The following CDH18 variants were observed in gnomAD, a reference collection of about 807,000 sequenced individuals.
CDH18 encodes cadherin-18.
CDH18 carries 31 observed loss-of-function variants against 67.9 expected under a neutral mutation model. That is an observed-to-expected ratio of 0.46 (90% CI 0.34 to 0.62). The LOEUF (loss-of-function observed/expected upper bound fraction) is 0.62. Ranked by LOEUF, CDH18 falls within the 20% of genes least tolerant of loss-of-function variation. The pLI is 0.01. For synonymous variants in CDH18, 362 were observed against 347.2 expected, an observed-to-expected ratio of 1.04 and a Z score of -0.48; for missense variants, 890 against 975.5, an observed-to-expected ratio of 0.91 and a Z score of 1.17.
At position 19,569,123 on chromosome 5, in the gene CDH18, T is replaced by C. The variant is rs1580259556; in HGVS notation, c.1253+2456A>G. ...GTTATAATTATCAAAGTTCCTCTCA[T>C]TTCTCTCCCTATTGGCATTGCTGCC... On this transcript the variant is annotated intron_variant, in intron 8 of 12. Transcript: ENST00000382275. Among the ~76,000 whole-genome samples, 3 of 152,326 alleles carry C rather than the reference T, an allele frequency of 2.0e-5. No homozygotes were observed. In the South Asian group the frequency reaches 6.2e-4, roughly 32 times the overall value.
intron 2 of CDH18, among the ~76,000 whole-genome samples, chr5:20,111,794 C>T (rs1281675606): frequency 2.0e-5 from 3 of 152,016 alleles, no homozygotes; most frequent in East Asian, 1.9e-4. Context: ...CTGCCCTCCT[C>T]GGCCTCCCAA....
At chr5:20,313,477 T>C (rs1737178832) in intron 1 of CDH18, among the ~76,000 whole-genome samples, 1 of 152,136 alleles carries the variant, frequency 6.6e-6, no homozygotes, top group Non-Finnish European at 1.5e-5. Flanking sequence ...GATGTAAAAC[T>C]GTATTAAAAA....
intron 2 of CDH18, among the ~76,000 whole-genome samples, chr5:20,143,824 G>A (rs530844214): frequency 1.8e-4 from 28 of 152,206 alleles, no homozygotes; most frequent in African/African-American, 6.3e-4. Flanking sequence ...TATTCAGATC[G>A]CATACCGTGG....
intron 2 of CDH18, among the ~76,000 whole-genome samples, chr5:19,930,632 A>C (rs1793588671): frequency 6.6e-6 from 1 of 151,978 alleles, no homozygotes; most frequent in African/African-American, 2.4e-5. Flanking sequence ...AAGATAAATA[A>C]AAGGGTAAGG....
chr5:19,521,528 C>G (rs560979042), intron 9 of CDH18, among the ~76,000 whole-genome samples: 1 of 152,256 alleles, frequency 6.6e-6, no homozygotes, highest in East Asian at 1.9e-4. Flanking sequence ...GTCTGGCTTT[C>G]TCTTTGCTAA....
chr5:20,036,411 AAAG>A (rs1170858855), intron 2 of CDH18, among the ~76,000 whole-genome samples: 2 of 152,034 alleles, frequency 1.3e-5, no homozygotes, highest in Non-Finnish European at 2.9e-5. Flanking sequence ...AAAGAAGAAA[AAAG>A]AAGGAGAAGG....
chr5:20,107,916 T>A (rs1311959521), intron 2 of CDH18, among the ~76,000 whole-genome samples: 1 of 69,600 alleles, frequency 1.4e-5, no homozygotes, highest in South Asian at 6.0e-4. Flanking sequence ...CCCTCCCCCC[T>A]CCCCCTTTCT....
intron 2 of CDH18, among the ~76,000 whole-genome samples, chr5:20,174,574 G>C (rs1737085798): frequency 6.6e-6 from 1 of 152,072 alleles, no homozygotes; most frequent in South Asian, 2.1e-4. Context: ...TGTTAACCTA[G>C]TCAAACATGC....
rs377028825 is a variant in CDH18, at chr5:19,494,136, A to G, written c.1630+8856T>C. ...TGGAAATTTGTAACATTATTTCATCATCTGTCAAGTTAGAAGATTTCCACT... is the reference window on the plus strand; with the variant it reads ...TGGAAATTTGTAACATTATTTCATCGTCTGTCAAGTTAGAAGATTTCCACT... On this transcript the variant is annotated intron_variant, in intron 11 of 12. Coordinates refer to ENST00000382275, the MANE Select transcript of CDH18 (RefSeq NM_004934.5). Among the ~76,000 whole-genome samples, 14 of 152,164 alleles carry G rather than the reference A, an allele frequency of 9.2e-5. No homozygotes were observed. The East Asian group carries it at 2.7e-3, about 29-fold the overall frequency.
At chr5:20,197,034 C>T (rs564746843) in intron 2 of CDH18, among the ~76,000 whole-genome samples, 2 of 152,160 alleles carry the variant, frequency 1.3e-5, no homozygotes, top group South Asian at 4.2e-4. Context: ...TCTTTTGAGA[C>T]AGAGTCTCGC....
Position 19,994,855 on chromosome 5 carries a change from T to TAGAGAGAGAGAGAGAGAGAGAGAGAG in CDH18, c.-517-2842_-517-2841insCTCTCTCTCTCTCTCTCTCTCTCTCT, listed in dbSNP as rs1554078420. Among the ~76,000 whole-genome samples the TAGAGAGAGAGAGAGAGAGAGAGAGAG allele has an allele frequency of 1.0e-4, 7 of 67,584 alleles. 3 individuals are homozygous for TAGAGAGAGAGAGAGAGAGAGAGAGAG. Among genetic ancestry groups the TAGAGAGAGAGAGAGAGAGAGAGAGAG allele is most frequent in the African/African-American group, 5.1e-4 (7 of 13,598 alleles). 44.3% of individuals were successfully genotyped at this position (67,584 alleles called of 152,430 possible). A position where few individuals can be genotyped will look rare whatever the true frequency, so the allele number is the denominator to read the frequency against. On this transcript the variant is annotated intron_variant, in intron 2 of 14. Coordinates refer to the CDH18 transcript ENST00000507958. ...ATATATATATATATATATATATATA[T>TAGAGAGAGAGAGAGAGAGAGAGAGAG]AGAGAGAGAGAGAGAGAGAGAGATG... is the stretch of plus-strand genomic sequence containing the variant.
rs150390070 is a variant in CDH18, at chr5:19,513,714, T to C, written c.1512+6943A>G. Among the ~76,000 whole-genome samples the C allele has an allele frequency of 2.7e-4, 41 of 152,288 alleles. 1 individual carries two copies. Among genetic ancestry groups the C allele is most frequent in the African/African-American group, 9.4e-4 (39 of 41,590 alleles). On this transcript the variant is annotated intron_variant, in intron 10 of 12. Coordinates refer to ENST00000382275, the MANE Select transcript of CDH18 (RefSeq NM_004934.5). ...AAAATTATAAATTTCCTGTTAGTTATGGCTGAACTGTTTCCTAGAAATTTT... is the reference window on the plus strand; with the variant it reads ...AAAATTATAAATTTCCTGTTAGTTACGGCTGAACTGTTTCCTAGAAATTTT...
At chr5:19,533,572 A>G (rs1164324531) in intron 9 of CDH18, among the ~76,000 whole-genome samples, 1 of 152,198 alleles carries the variant, frequency 6.6e-6, no homozygotes, top group Non-Finnish European at 1.5e-5. Flanking sequence ...TAGAAAATAA[A>G]GCATGTTTTT....
At chr5:20,362,231 C>T (rs1742145869) in intron 1 of CDH18, among the ~76,000 whole-genome samples, 1 of 152,104 alleles carries the variant, frequency 6.6e-6, no homozygotes, top group Non-Finnish European at 1.5e-5. Context: ...ACTATACTTG[C>T]AGCAAAACAA....
intron 1 of CDH18, among the ~76,000 whole-genome samples, chr5:20,267,693 T>A (rs1745143001): frequency 6.6e-6 from 1 of 152,200 alleles, no homozygotes. Context: ...TTGATTTCCC[T>A]CTCATATATC....
intron 5 of CDH18, among the ~76,000 whole-genome samples, chr5:19,634,845 G>A (rs1294511826): frequency 2.0e-5 from 3 of 151,666 alleles, no homozygotes; most frequent in African/African-American, 7.3e-5. Context: ...GCTGAGGCAG[G>A]AGAATTGCTT....
intron 1 of CDH18, among the ~76,000 whole-genome samples, chr5:20,420,105 G>T: frequency 6.6e-6 from 1 of 151,016 alleles, no homozygotes; most frequent in Middle Eastern, 3.2e-3. Flanking sequence ...AGACTCTGCT[G>T]CCAATGGCTG....
intron 2 of CDH18, among the ~76,000 whole-genome samples, chr5:19,872,591 C>T (rs1392693596): frequency 6.6e-6 from 1 of 152,100 alleles, no homozygotes; most frequent in Non-Finnish European, 1.5e-5. Context: ...CTATCAATAA[C>T]CTAAATGAGC....
intron 1 of CDH18, among the ~76,000 whole-genome samples, chr5:20,506,201 C>T (rs1362992961): frequency 1.3e-5 from 2 of 152,186 alleles, no homozygotes; most frequent in Non-Finnish European, 1.5e-5. Context: ...ATGATCCCTG[C>T]CGCCTCTTCG....
Sources: gnomAD v4.1 joint callset for allele counts (sites outside exome capture counted in the v4.1 genomes callset) on GRCh38, gnomAD v4.1.1 for gene constraint, MANE v1.5 for transcripts, NCBI Gene and HGNC (gene_info 2026-07-23, HGNC 2026-07-21) for gene names.